MAGI3: variants seen among roughly 807,000 people sequenced by gnomAD.
The protein encoded by MAGI3 is membrane-associated guanylate kinase, WW and PDZ domain-containing protein 3.
In MAGI3, 43 loss-of-function variants were observed where a neutral mutation model predicts 121.8. The ratio of observed to expected loss-of-function variants is 0.35; its 90% confidence interval spans 0.28 to 0.46. MAGI3 has a LOEUF of 0.46. Ranked by LOEUF, MAGI3 falls within the 20% of genes least tolerant of loss-of-function variation. The probability of loss-of-function intolerance (pLI) is 1.00; values close to 1 mark genes in which losing one functional copy is unlikely to be tolerated. For synonymous variants in MAGI3, 553 were observed against 639.3 expected (o/e 0.86, Z 2.04); for missense variants, 1,547 against 1,797.3 (o/e 0.86, Z 2.52).
chr1:113,598,549 C>T (rs1199076810), intron 6 of MAGI3, among the ~76,000 whole-genome samples: 1 of 151,576 alleles, frequency 6.6e-6, no homozygotes, highest in Non-Finnish European at 1.5e-5. Context: ...TCAGAGAAAA[C>T]AGATTTTAAA....
intron 1 of MAGI3, among the ~76,000 whole-genome samples, chr1:113,465,480 A>G (rs1655233850): frequency 6.6e-6 from 1 of 151,836 alleles, no homozygotes; most frequent in South Asian, 2.1e-4. Flanking sequence ...TCCTTTGGCT[A>G]TTTGGGGTCT....
intron 8 of MAGI3, among the ~76,000 whole-genome samples, chr1:113,620,145 A>T (rs904386571): frequency 3.3e-5 from 5 of 152,176 alleles, no homozygotes; most frequent in African/African-American, 1.2e-4. Flanking sequence ...TTAGGTCTCC[A>T]GTTCATCGTT....
chr1:113,548,903 C>T (rs993541295), intron 1 of MAGI3, among the ~76,000 whole-genome samples: 1 of 151,980 alleles, frequency 6.6e-6, no homozygotes, highest in Non-Finnish European at 1.5e-5. Context: ...GAAGTAGAAC[C>T]GACAAAAGTT....
At chr1:113,572,712 T>A (rs888947596) in intron 2 of MAGI3, among the ~76,000 whole-genome samples, 3 of 152,198 alleles carry the variant, frequency 2.0e-5, no homozygotes, top group African/African-American at 7.2e-5. Flanking sequence ...TGAAGGTAGT[T>A]TGTATTTCTG....
At chr1:113,621,967 T>C (rs897765812) in intron 8 of MAGI3, among the ~76,000 whole-genome samples, 3 of 151,992 alleles carry the variant, frequency 2.0e-5, no homozygotes, top group African/African-American at 7.2e-5. Context: ...TGGGGAGAAA[T>C]TGGATAATGA....
At chr1:113,550,871 T>G (rs1570845305) in intron 2 of MAGI3, among the ~76,000 whole-genome samples, 1 of 151,308 alleles carries the variant, frequency 6.6e-6, no homozygotes, top group East Asian at 1.9e-4. Context: ...GAAGACTTTT[T>G]AGCTCCCAGT....
At chr1:113,475,347 C>G (rs1210131885) in intron 1 of MAGI3, among the ~76,000 whole-genome samples, 1 of 152,054 alleles carries the variant, frequency 6.6e-6, no homozygotes, top group African/African-American at 2.4e-5. Context: ...CAGTTTTTCC[C>G]CATTCAGTAT....
chr1:113,644,056 G>T (rs1652697320), intron 11 of MAGI3, among the ~76,000 whole-genome samples: 1 of 152,130 alleles, frequency 6.6e-6, no homozygotes, highest in South Asian at 2.1e-4. Flanking sequence ...ACACATTAAA[G>T]AACCAACCTA....
chr1:113,413,275 C>A (rs1652105826), intron 1 of MAGI3, among the ~76,000 whole-genome samples: 1 of 152,196 alleles, frequency 6.6e-6, no homozygotes, highest in African/African-American at 2.4e-5. Context: ...GTTTTGGTCA[C>A]CGTAGCCTTG....
intron 1 of MAGI3, among the ~76,000 whole-genome samples, chr1:113,442,115 A>G (rs1431480249): frequency 1.3e-5 from 2 of 152,200 alleles, no homozygotes; most frequent in Admixed American, 1.3e-4. Context: ...AGTCATTCAG[A>G]AGCCACTTAT....
chr1:113,646,531 G>C lies in MAGI3; in HGVS notation c.2044G>C (p.Glu682Gln), dbSNP rs369633891. Residue 682 changes from glutamate to glutamine, a missense_variant, in exon 12 of 21, where the codon GAG becomes CAG. Glu to Gln is a conservative substitution (Grantham distance 29, BLOSUM62 2). Coordinates refer to ENST00000307546, the MANE Select transcript of MAGI3 (RefSeq NM_001142782.2). ...TGCAGGAAGTTTGGAGGCCATAAATGAGCCTATTCCTCAGCCTATGCCTTT... is the reference window on the plus strand; with the variant it reads ...TGCAGGAAGTTTGGAGGCCATAAATCAGCCTATTCCTCAGCCTATGCCTTT... Reference protein sequence around the residue: ...ENAGSLEAINEPIPQPMPFPP... With the variant: ...ENAGSLEAINQPIPQPMPFPP... 78 of 1,612,448 alleles carry C rather than the reference G, an allele frequency of 4.8e-5. 1 individual carries two copies. Among genetic ancestry groups the C allele is most frequent in the Non-Finnish European group, 6.0e-5 (71 of 1,179,208 alleles).
chr1:113,656,966 A>C (rs528245903), intron 15 of MAGI3, among the ~76,000 whole-genome samples: 1 of 152,312 alleles, frequency 6.6e-6, no homozygotes, highest in East Asian at 1.9e-4. Context: ...AGTACTTCAG[A>C]GCTTTTAGTG....
chr1:113,472,754 G>A (rs1655605206), intron 1 of MAGI3, among the ~76,000 whole-genome samples: 1 of 151,648 alleles, frequency 6.6e-6, no homozygotes, highest in African/African-American at 2.4e-5. Context: ...GTGTGTGTGT[G>A]TGTGTATTTA....
At chr1:113,479,709 T>C (rs1306311853) in intron 1 of MAGI3, among the ~76,000 whole-genome samples, 1 of 152,198 alleles carries the variant, frequency 6.6e-6, no homozygotes, top group Non-Finnish European at 1.5e-5. Context: ...TCTTTCTCTT[T>C]TATTTCTGTA....
At chr1:113,510,499 C>T (rs568854259) in intron 1 of MAGI3, among the ~76,000 whole-genome samples, 1 of 152,092 alleles carries the variant, frequency 6.6e-6, no homozygotes, top group East Asian at 1.9e-4. Flanking sequence ...GGTAGCTATC[C>T]CTTCTGCTAA....
chr1:113,671,616 A>G, intron 16 of MAGI3, 118 bp from the exon 17 acceptor site: 1 of 853,756 alleles, frequency 1.2e-6, no homozygotes, highest in Non-Finnish European at 1.9e-6. Context: ...GTTCATGCTA[A>G]AGCCACTAAA....
chr1:113,677,401 C>T (rs1212435506), intron 19 of MAGI3, among the ~76,000 whole-genome samples: 4 of 152,206 alleles, frequency 2.6e-5, no homozygotes, highest in Non-Finnish European at 2.9e-5. Flanking sequence ...GACTTAGTCA[C>T]TTGCAGAGAT....
rs1458391800 is a variant in MAGI3, at chr1:113,390,810, C to T, written c.-224C>T. On this transcript the variant is annotated 5_prime_UTR_variant, in exon 1 of 21. Coordinates refer to ENST00000307546, the MANE Select transcript of MAGI3 (RefSeq NM_001142782.2). ...AACCCGCGGTGGCCCTCGCGGAGTC[C>T]GGTCAGCCCCGGGGAGCGCAGCCGG... The T allele has an allele frequency of 1.2e-5, 3 of 242,172 alleles. No homozygotes were observed. Among genetic ancestry groups the T allele is most frequent in the African/African-American group, 4.6e-5 (2 of 43,418 alleles). 15.0% of individuals were successfully genotyped at this position (242,172 alleles called of 1,614,324 possible).
chr1:113,390,965 T>A lies in MAGI3; in HGVS notation c.-69T>A. ...CGCGGGCCGCCCAGGGCCCCCGGGC[T>A]GAGACGGGGCCGGAGCGGCGCCCCG... is the stretch of plus-strand genomic sequence containing the variant. On this transcript the variant is annotated 5_prime_UTR_variant, in exon 1 of 21. Coordinates refer to ENST00000307546, the MANE Select transcript of MAGI3 (RefSeq NM_001142782.2). The A allele has an allele frequency of 7.2e-7, 1 of 1,388,480 alleles. No homozygotes were observed. The highest frequency in any genetic ancestry group is 1.6e-5 in the South Asian group (1 of 63,050). The allele number at this position is 1,388,480 out of a possible 1,614,324, so 86.0% of individuals were successfully genotyped here.
Sources: gnomAD v4.1 joint callset for allele counts (sites outside exome capture counted in the v4.1 genomes callset) on GRCh38, gnomAD v4.1.1 for gene constraint, MANE v1.5 for transcripts, NCBI Gene and HGNC (gene_info 2026-07-23, HGNC 2026-07-21) for gene names.